ULK4: variants seen among roughly 807,000 people sequenced by gnomAD.
The protein encoded by ULK4 is inactive serine/threonine-protein kinase ULK4.
A neutral mutation model predicts 160.6 loss-of-function variants in ULK4; 133 were observed. That is an observed-to-expected ratio of 0.83 (90% CI 0.72 to 0.96). The LOEUF (loss-of-function observed/expected upper bound fraction) is 0.96, where lower values mean the gene tolerates loss of function less well. Among genes scored for constraint, ULK4 ranks in the 40% least tolerant of loss-of-function variants. The pLI, the probability that ULK4 is intolerant of heterozygous loss-of-function variation, is 0.00. For missense variants in ULK4, 1,580 were observed against 1,499.5 expected (o/e 1.05, Z -0.89); for synonymous variants, 534 against 539.8 (o/e 0.99, Z 0.15).
intron 18 of ULK4, among the ~76,000 whole-genome samples, chr3:41,826,670 A>T (rs1301525686): frequency 2.0e-5 from 3 of 149,608 alleles, no homozygotes; most frequent in Non-Finnish European, 4.4e-5. Context: ...AAGTCCTTAG[A>T]GACCTACAAA....
At chr3:41,589,753 G>A (rs575559820) in intron 31 of ULK4, among the ~76,000 whole-genome samples, 4 of 151,904 alleles carry the variant, frequency 2.6e-5, no homozygotes, top group Admixed American at 1.3e-4. Flanking sequence ...TAGAAAAATC[G>A]ATATGACAGA....
In ULK4 at chr3:41,837,016, G is replaced by C. The variant is rs529370863; in HGVS notation, c.1657-1045C>G. The stretch of plus-strand genomic sequence containing the variant: ...GACTCAAAGTGTGGTGCACAGACAA[G>C]ACTATTTCTTACCATTGACAAAGAC... On this transcript the variant is annotated intron_variant, in intron 17 of 36. Coordinates refer to ENST00000301831, the MANE Select transcript of ULK4 (RefSeq NM_017886.4). Among the ~76,000 whole-genome samples, 18 of 152,308 alleles carry C rather than the reference G, an allele frequency of 1.2e-4. No individual in the cohort carries two copies. In the South Asian group the frequency reaches 2.7e-3, roughly 23 times the overall value.
chr3:41,961,550 A>ACCCCTCCCCCCCCCCCCCCC (rs57463009), intron 1 of ULK4, among the ~76,000 whole-genome samples: 4 of 124,720 alleles, frequency 3.2e-5, no homozygotes, highest in Admixed American at 1.5e-4. Context: ...GTAGTCACTC[A>ACCCCTCCCCCCCCCCCCCCC]CCCCCCCCCC....
intron 35 of ULK4, among the ~76,000 whole-genome samples, chr3:41,331,015 C>T (rs1461548667): frequency 2.0e-5 from 3 of 152,176 alleles, no homozygotes; most frequent in Non-Finnish European, 2.9e-5. Flanking sequence ...CTGAAAACAC[C>T]AAAGCAGCTT....
chr3:41,525,184 C>T (rs527672666), intron 32 of ULK4, among the ~76,000 whole-genome samples: 122 of 152,172 alleles, frequency 8.0e-4, no homozygotes, highest in African/African-American at 2.7e-3. Context: ...ATGTGAGAGG[C>T]ATTAACTCTC....
intron 32 of ULK4, among the ~76,000 whole-genome samples, chr3:41,549,866 G>A (rs1314294035): frequency 6.6e-6 from 1 of 152,018 alleles, no homozygotes; most frequent in Admixed American, 6.6e-5. Context: ...AAAGTCTAGA[G>A]GTCAGGAGAC....
chr3:41,884,790 T>C (rs898810030), intron 16 of ULK4, among the ~76,000 whole-genome samples: 3 of 152,212 alleles, frequency 2.0e-5, no homozygotes, highest in African/African-American at 7.2e-5. Flanking sequence ...CATACAGAAA[T>C]AATCCTTATA....
chr3:41,328,096 G>C (rs6787920), intron 35 of ULK4, among the ~76,000 whole-genome samples: 191 of 152,316 alleles, frequency 1.3e-3, no homozygotes, highest in African/African-American at 4.4e-3. Context: ...CTGAAGAGTG[G>C]AACGGCCAGC....
chr3:41,661,549 T>C (rs911838316), intron 30 of ULK4, among the ~76,000 whole-genome samples: 2 of 151,380 alleles, frequency 1.3e-5, no homozygotes, highest in African/African-American at 2.4e-5. Flanking sequence ...GATAAATAGA[T>C]AGATAATAGA....
At chr3:41,522,885 G>A (rs998438511) in intron 32 of ULK4, among the ~76,000 whole-genome samples, 2 of 152,090 alleles carry the variant, frequency 1.3e-5, no homozygotes, top group African/African-American at 4.8e-5. Context: ...TGAAAAAACA[G>A]TCAACAGATC....
chr3:41,796,365 C>G (rs987924782), intron 20 of ULK4, among the ~76,000 whole-genome samples: 3 of 152,132 alleles, frequency 2.0e-5, no homozygotes, highest in South Asian at 2.1e-4. Context: ...CCAAGGCAGA[C>G]AGATCACAAG....
intron 35 of ULK4, among the ~76,000 whole-genome samples, chr3:41,317,926 T>C (rs2080176550): frequency 1.3e-5 from 2 of 152,196 alleles, no homozygotes; most frequent in Admixed American, 1.3e-4. Context: ...CTTTTATATC[T>C]TCTTCCTGTT....
chr3:41,255,630 G>A (rs2078820517), intron 35 of ULK4, among the ~76,000 whole-genome samples: 1 of 74,402 alleles, frequency 1.3e-5, no homozygotes, highest in African/African-American at 2.9e-5. Flanking sequence ...GAGGTAAGGA[G>A]GGACATTTCA....
chr3:41,453,430 A>T (rs1223406163), intron 34 of ULK4, among the ~76,000 whole-genome samples: 1 of 151,868 alleles, frequency 6.6e-6, no homozygotes, highest in Non-Finnish European at 1.5e-5. Context: ...TCCCATCTCG[A>T]CCACCCAAAG....
chr3:41,816,067 A>AT (rs2040953264), intron 19 of ULK4, among the ~76,000 whole-genome samples: 1 of 152,132 alleles, frequency 6.6e-6, no homozygotes, highest in Admixed American at 6.5e-5. Context: ...CCTGGGCAAC[A>AT]TAGCAAGATT....
chr3:41,333,082 A>G (rs6775739), intron 35 of ULK4, among the ~76,000 whole-genome samples: 24,468 of 152,196 alleles, frequency 0.16, 2,428 homozygotes, highest in African/African-American at 0.27. Context: ...CAACAACATG[A>G]GAAAGAATCT....
At chr3:41,498,596 GT>G (rs1213133586) in intron 32 of ULK4, among the ~76,000 whole-genome samples, 6 of 136,920 alleles carry the variant, frequency 4.4e-5, no homozygotes, top group African/African-American at 1.7e-4. Context: ...TTTTTGCTTT[GT>G]TTTTTGTTTT....
At chr3:41,380,621 T>C (rs190637809) in intron 35 of ULK4, among the ~76,000 whole-genome samples, 5 of 152,270 alleles carry the variant, frequency 3.3e-5, no homozygotes, top group Admixed American at 6.5e-5. Flanking sequence ...ACCCATCCAG[T>C]TGGCCTGGGA....
intron 30 of ULK4, among the ~76,000 whole-genome samples, chr3:41,647,856 G>C (rs1160850326): frequency 6.6e-6 from 1 of 152,214 alleles, no homozygotes; most frequent in African/African-American, 2.4e-5. Flanking sequence ...CACCCAGTTT[G>C]AGCTTCCCAG....
Sources: allele counts gnomAD v4.1 joint callset (sites outside exome capture counted in the v4.1 genomes callset), GRCh38; gene constraint gnomAD v4.1.1; transcripts MANE v1.5; gene names NCBI Gene and HGNC (gene_info 2026-07-23, HGNC 2026-07-21).